The following STK32C variants were observed in gnomAD, a reference collection of about 807,000 sequenced individuals.
STK32C encodes serine/threonine-protein kinase 32C.
STK32C carries 31 observed loss-of-function variants against 56.5 expected under a neutral mutation model. That is an observed-to-expected ratio of 0.55 (90% CI 0.41 to 0.74). The LOEUF is 0.74. Among genes scored for constraint, STK32C ranks in the 30% least tolerant of loss-of-function variants. The probability of loss-of-function intolerance (pLI) is 0.00; values close to 1 mark genes in which losing one functional copy is unlikely to be tolerated. For missense variants in STK32C, 544 were observed against 676.9 expected, an observed-to-expected ratio of 0.80 and a Z score of 2.18; for synonymous variants, 309 against 289.4, an observed-to-expected ratio of 1.07 and a Z score of -0.69.
chr10:132,244,832 A>G (rs2063628750), intron 2 of STK32C, among the ~76,000 whole-genome samples: 1 of 152,156 alleles, frequency 6.6e-6, no homozygotes, highest in Non-Finnish European at 1.5e-5. Flanking sequence ...GTCAGTCCCA[A>G]CAGCCCTGAG....
At chr10:132,331,284 A>G (rs1024230802) in intron 1 of STK32C, among the ~76,000 whole-genome samples, 1 of 150,252 alleles carries the variant, frequency 6.7e-6, no homozygotes, top group African/African-American at 2.5e-5. Context: ...TCTGGGTGGG[A>G]CAGAGGGTGC....
chr10:132,222,945 C>T lies in STK32C; in HGVS notation c.1035G>A (p.Gln345=). The T allele has an allele frequency of 1.0e-5, 16 of 1,553,376 alleles. No homozygotes were observed. Among genetic ancestry groups the T allele is most frequent in the Non-Finnish European group, 1.3e-5 (15 of 1,152,696 alleles). Reference sequence around the variant, plus strand: ...CCAGCGCCGGGGCTGCCTGCACGTCCTGGAGGCTGGAGAGCCGGTGCTCGG... The same window carrying T: ...CCAGCGCCGGGGCTGCCTGCACGTCTTGGAGGCTGGAGAGCCGGTGCTCGG... ...VNPEHRLSSL[Q]DVQAAPALAG... is the part of the protein sequence containing the mutation. Residue 345 remains glutamine, a synonymous_variant, in exon 9 of 12, where the codon CAG becomes CAA. Coordinates refer to ENST00000298630, the MANE Select transcript of STK32C (RefSeq NM_173575.4).
intron 1 of STK32C, among the ~76,000 whole-genome samples, chr10:132,250,062 CCA>C (rs1230901355): frequency 1.3e-5 from 2 of 152,260 alleles, no homozygotes; most frequent in Admixed American, 1.3e-4. Flanking sequence ...CCTGCAACCA[CCA>C]CAGTCACCAG....
chr10:132,222,961 C>T lies in STK32C; in HGVS notation c.1019G>A (p.Arg340Gln), dbSNP rs866177156. 9 of 1,551,052 alleles carry T rather than the reference C, an allele frequency of 5.8e-6. No homozygotes were observed. Among genetic ancestry groups the T allele is most frequent in the Non-Finnish European group, 7.8e-6 (9 of 1,151,720 alleles). Residue 340 changes from arginine (R) to glutamine (Q), a missense_variant, in exon 9 of 12, where the codon CGG becomes CAG. Around this residue, in one of 3 missense-constraint regions of STK32C, gnomAD observed 277 missense variants for 309.3 expected, o/e 0.90. Transcript: ENST00000298630. ...CTGCACGTCCTGGAGGCTGGAGAGC[C>T]GGTGCTCGGGGTTCACAGTGAGGAG... ...RKLLTVNPEHRLSSLQDVQAA... is the reference protein window; with the variant it reads ...RKLLTVNPEHQLSSLQDVQAA...
intron 10 of STK32C, among the ~76,000 whole-genome samples, chr10:132,216,490 A>G (rs891601796): frequency 5.3e-5 from 8 of 152,086 alleles, no homozygotes; most frequent in Non-Finnish European, 1.0e-4. Flanking sequence ...AAAGAGAGAA[A>G]AAAAAGAAAA....
chr10:132,302,610 G>A lies in STK32C; in HGVS notation c.262+4962C>T, dbSNP rs117548200. The stretch of plus-strand genomic sequence containing the variant: ...CTTCTGACCACCAAGCGCCTGCACT[G>A]TGGGGGATGGGTGTCTGGGCCACAC... On this transcript the variant is annotated intron_variant, in intron 1 of 11. Transcript: ENST00000298630. Among the ~76,000 whole-genome samples, 357 of 152,336 alleles carry A rather than the reference G, an allele frequency of 2.3e-3. 7 individuals carry two copies. The East Asian group carries it at 0.051, about 22-fold the overall frequency.
intron 7 of STK32C, 146 bp from the exon 8 acceptor site, chr10:132,224,669 C>A: frequency 1.5e-6 from 1 of 661,064 alleles, no homozygotes; most frequent in Non-Finnish European, 2.7e-6. Context: ...CTGGCCTCCA[C>A]CTGCCGCGGA....
chr10:132,213,453 G>T (rs76755058), intron 10 of STK32C, among the ~76,000 whole-genome samples: 1 of 152,178 alleles, frequency 6.6e-6, no homozygotes, highest in African/African-American at 2.4e-5. Flanking sequence ...AGGGCAACCC[G>T]GGAAATGAAA....
At position 132,228,146 on chromosome 10, in the gene STK32C, G is replaced by A. The variant is rs200659994; in HGVS notation, c.319-18C>T. ...ATGCACACCTGGAGGGCACAGGGCT[G>A]TTCGGCAGGACGCCTGAGGACGCCT... On this transcript the variant is annotated intron_variant, in intron 2 of 11. Transcript: ENST00000298630. 1.1e-5 allele frequency: 17 copies of A among 1,613,788 alleles called. No homozygotes were observed. Among genetic ancestry groups the A allele is most frequent in the Non-Finnish European group, 1.4e-5 (16 of 1,180,036 alleles).
At chr10:132,225,876 T>A in intron 4 of STK32C, 92 bp from the exon 5 acceptor site, 1 of 1,541,456 alleles carries the variant, frequency 6.5e-7, no homozygotes, top group Non-Finnish European at 8.9e-7. Flanking sequence ...CCCCAGGACA[T>A]CCCACCAACC....
chr10:132,252,874 C>T (rs1046660406), intron 1 of STK32C, among the ~76,000 whole-genome samples: 15 of 152,144 alleles, frequency 9.9e-5, no homozygotes, highest in African/African-American at 2.9e-4. Flanking sequence ...AGCGTGGGGC[C>T]GCCTCCTCCC....
intron 1 of STK32C, among the ~76,000 whole-genome samples, chr10:132,279,823 C>T (rs183033883): frequency 2.0e-3 from 299 of 145,930 alleles, no homozygotes; most frequent in African/African-American, 7.4e-3. Flanking sequence ...TCTGAGGCCT[C>T]CACTCTGTGA....
intron 1 of STK32C, among the ~76,000 whole-genome samples, chr10:132,259,118 G>A (rs1461870595): frequency 6.6e-6 from 1 of 152,034 alleles, no homozygotes; most frequent in Non-Finnish European, 1.5e-5. Context: ...GGCACAGCTG[G>A]GGGCATGAAC....
At chr10:132,227,086 G>T in intron 3 of STK32C, 118 bp from the exon 4 acceptor site, 1 of 1,206,824 alleles carries the variant, frequency 8.3e-7, no homozygotes, top group Non-Finnish European at 1.2e-6. Context: ...CAGCCACCAG[G>T]CATTCCCAGG....
At chr10:132,249,070 G>A (rs4880361) in intron 1 of STK32C, 141,946 of 477,084 alleles carry the variant, frequency 0.3, 23,758 homozygotes, top group East Asian at 0.51. Context: ...CGGCGGCTCC[G>A]GCAGAGGCTC....
chr10:132,209,160 C>A, intron 10 of STK32C, 59 bp from the exon 11 acceptor site: 3 of 1,504,676 alleles, frequency 2.0e-6, no homozygotes. Flanking sequence ...CGCCCATGTC[C>A]CCTCAAGTGA....
rs1266078870 is a variant in STK32C, at chr10:132,222,704, G to A, written c.1188C>T (p.His396=). 4 of 1,612,628 alleles carry A rather than the reference G, an allele frequency of 2.5e-6. No individual in the cohort carries two copies. Among genetic ancestry groups the A allele is most frequent in the African/African-American group, 1.3e-5 (1 of 75,024 alleles). ...EEMILESRPL[H]KKKKRLAKNK... is the part of the protein sequence containing the mutation. ...TCTTGGCCAGACGCTTCTTCTTCTT[G>A]TGCAGGGGCCTGGACTCCAGGATCA... is the stretch of plus-strand genomic sequence containing the variant. Residue 396 remains histidine, a synonymous_variant, in exon 10 of 12, where the codon CAC becomes CAT. Coordinates refer to ENST00000298630, the MANE Select transcript of STK32C (RefSeq NM_173575.4).
At chr10:132,215,800 G>C (rs2062453238) in intron 10 of STK32C, among the ~76,000 whole-genome samples, 1 of 152,222 alleles carries the variant, frequency 6.6e-6, no homozygotes, top group African/African-American at 2.4e-5. Context: ...GGGCTCAGAA[G>C]AAGACAGGAA....
At chr10:132,326,583 C>T (rs1473212813) in intron 1 of STK32C, among the ~76,000 whole-genome samples, 3 of 152,156 alleles carry the variant, frequency 2.0e-5, no homozygotes, top group Admixed American at 6.5e-5. Context: ...TTGGCGTCCC[C>T]AAGTGCTGGG....
Sources: allele counts gnomAD v4.1 joint callset (sites outside exome capture counted in the v4.1 genomes callset), GRCh38; gene constraint gnomAD v4.1.1; regional missense constraint gnomAD v4.1.1; transcripts MANE v1.5; gene names NCBI Gene and HGNC (gene_info 2026-07-23, HGNC 2026-07-21).